The following CTNNA3 variants were observed in gnomAD, a reference collection of about 807,000 sequenced individuals.
CTNNA3 encodes the protein catenin alpha 3.
In CTNNA3, 76 loss-of-function variants were observed where a neutral mutation model predicts 95.7. The ratio of observed to expected loss-of-function variants is 0.79; its 90% CI spans 0.66 to 0.96. The LOEUF (loss-of-function observed/expected upper bound fraction) is 0.96. CTNNA3 is among the 40% of genes least tolerant of loss of function. CTNNA3 has a pLI of 0.00. For missense variants in CTNNA3, 1,191 were observed against 1,089.8 expected (o/e 1.09, Z -1.31); for synonymous variants, 431 against 374.4 (o/e 1.15, Z -1.74).
At chr10:66,680,323 C>A (rs1847023759) in intron 9 of CTNNA3, among the ~76,000 whole-genome samples, 1 of 152,058 alleles carries the variant, frequency 6.6e-6, no homozygotes, top group Non-Finnish European at 1.5e-5. Context: ...AGCCACCACA[C>A]CTGGCCAGTG....
intron 7 of CTNNA3, among the ~76,000 whole-genome samples, chr10:66,795,460 C>T (rs1343265152): frequency 6.6e-6 from 1 of 152,110 alleles, no homozygotes; most frequent in African/African-American, 2.4e-5. Flanking sequence ...GTTCAGTAAA[C>T]GGCAACATAA....
intron 7 of CTNNA3, among the ~76,000 whole-genome samples, chr10:66,805,508 CATAT>C (rs546398239): frequency 8.8e-5 from 13 of 147,504 alleles, no homozygotes; most frequent in African/African-American, 3.2e-4. Context: ...TATATTTATA[CATAT>C]ATATATATAT....
Position 67,521,828 on chromosome 10 carries a change from G to A in CTNNA3, c.579+14C>T. The A allele has an allele frequency of 6.2e-7, 1 of 1,612,506 alleles. No individual in the cohort carries two copies. Among genetic ancestry groups the A allele is most frequent in the Non-Finnish European group, 8.5e-7 (1 of 1,179,150 alleles). On this transcript the variant is annotated intron_variant, in intron 5 of 17. Coordinates refer to ENST00000433211, the MANE Select transcript of CTNNA3 (RefSeq NM_013266.4). ...GTGTTCATCTCCTCCACCAAGGAGA[G>A]CTCTGACTCCTACCTGCTGACGTTT...
chr10:65,920,225 T>A lies in CTNNA3; in HGVS notation c.*105A>T. The A allele has an allele frequency of 9.9e-7, 1 of 1,006,268 alleles. No homozygotes were observed. Among genetic ancestry groups the A allele is most frequent in the Non-Finnish European group, 1.5e-6 (1 of 675,052 alleles). The allele number at this position is 1,006,268 out of a possible 1,614,324, so 62.3% of individuals were successfully genotyped here. The stretch of plus-strand genomic sequence containing the variant: ...CCAATATTTTATGTTATTTGTGAGT[T>A]AAACACCAAAACTTAGTGAAATTAC... On this transcript the variant is annotated 3_prime_UTR_variant, in exon 18 of 18. Transcript: ENST00000433211.
intron 7 of CTNNA3, among the ~76,000 whole-genome samples, chr10:66,780,270 T>C (rs954025752): frequency 2.6e-5 from 4 of 151,712 alleles, no homozygotes; most frequent in Non-Finnish European, 5.9e-5. Context: ...GTCTGCACAA[T>C]GGATTTGAGG....
At chr10:66,182,311 A>G (rs925671501) in intron 13 of CTNNA3, among the ~76,000 whole-genome samples, 16 of 147,228 alleles carry the variant, frequency 1.1e-4, no homozygotes, top group Non-Finnish European at 1.9e-4. Context: ...GCTGGAGTGC[A>G]GTGGCGCGAT....
chr10:67,441,262 G>C (rs2394376), intron 5 of CTNNA3, among the ~76,000 whole-genome samples: 104,802 of 136,860 alleles, frequency 0.77, 41,000 homozygotes, highest in Non-Finnish European at 0.88. Flanking sequence ...AGTGAGAGAA[G>C]ACAAAAAAAA....
At chr10:67,460,659 T>A (rs1847341870) in intron 5 of CTNNA3, among the ~76,000 whole-genome samples, 1 of 152,154 alleles carries the variant, frequency 6.6e-6, no homozygotes, top group African/African-American at 2.4e-5. Context: ...TTTATTTTGC[T>A]GCCAAGTGTC....
In CTNNA3 at chr10:66,581,383, T is replaced by A. The variant is rs1052034938; in HGVS notation, c.1374+40309A>T. On this transcript the variant is annotated intron_variant, in intron 10 of 17. Coordinates refer to ENST00000433211, the MANE Select transcript of CTNNA3 (RefSeq NM_013266.4). Reference sequence around the variant, plus strand: ...CCAGCAGCATATAAGTGTTCCTCTTTCACCACGTCCACCCGAGCATCTTTT... The same window carrying A: ...CCAGCAGCATATAAGTGTTCCTCTTACACCACGTCCACCCGAGCATCTTTT... Among the ~76,000 whole-genome samples, 3 of 150,446 alleles carry A rather than the reference T, an allele frequency of 2.0e-5. No homozygotes were observed. The Admixed American group carries it at 2.0e-4, about 10-fold the overall frequency.
chr10:67,704,781 T>A (rs1841067442), intron 1 of CTNNA3, among the ~76,000 whole-genome samples: 2 of 151,972 alleles, frequency 1.3e-5, no homozygotes, highest in Admixed American at 1.3e-4. Context: ...ACAAATGGGA[T>A]CTAATTAAAC....
intron 7 of CTNNA3, among the ~76,000 whole-genome samples, chr10:66,863,685 T>C (rs1019920675): frequency 1.3e-5 from 2 of 152,162 alleles, no homozygotes; most frequent in African/African-American, 4.8e-5. Context: ...TAGAGCATTT[T>C]ATTTTGAGAA....
chr10:66,363,986 T>C (rs1294863153), intron 12 of CTNNA3, among the ~76,000 whole-genome samples: 3 of 152,142 alleles, frequency 2.0e-5, no homozygotes, highest in Non-Finnish European at 1.5e-5. Flanking sequence ...AGGCTTAGAC[T>C]GGTTAAGTAA....
intron 9 of CTNNA3, among the ~76,000 whole-genome samples, chr10:66,693,914 G>A (rs553330157): frequency 2.6e-5 from 4 of 151,876 alleles, no homozygotes; most frequent in Admixed American, 2.0e-4. Flanking sequence ...TGAAACCAAC[G>A]AGAACAAAGA....
chr10:66,915,995 C>G (rs1846474232), intron 7 of CTNNA3, among the ~76,000 whole-genome samples: 1 of 152,062 alleles, frequency 6.6e-6, no homozygotes. Flanking sequence ...GATCTGCTCA[C>G]CTTGGCCTCC....
chr10:67,524,315 G>C (rs1339091749), intron 4 of CTNNA3, among the ~76,000 whole-genome samples: 2 of 149,560 alleles, frequency 1.3e-5, no homozygotes, highest in Non-Finnish European at 3.0e-5. Context: ...GGAGAATGGC[G>C]TGAACCCGGC....
chr10:65,982,308 C>T (rs1354036403), intron 16 of CTNNA3, among the ~76,000 whole-genome samples: 1 of 151,308 alleles, frequency 6.6e-6, no homozygotes, highest in East Asian at 1.9e-4. Flanking sequence ...TACCACCTTA[C>T]TCTTGTAAGA....
At chr10:66,593,044 G>A (rs984642009) in intron 10 of CTNNA3, among the ~76,000 whole-genome samples, 8 of 151,950 alleles carry the variant, frequency 5.3e-5, no homozygotes, top group South Asian at 2.1e-4. Context: ...TTTATAAGAC[G>A]GAAAGGAAAG....
chr10:67,377,116 T>G (rs367649275), intron 5 of CTNNA3, among the ~76,000 whole-genome samples: 45 of 152,362 alleles, frequency 3.0e-4, no homozygotes, highest in Middle Eastern at 3.4e-3. Flanking sequence ...TACTTTAGTT[T>G]GGATTTCTGT....
At chr10:67,579,847 G>A (rs1842316658) in intron 3 of CTNNA3, among the ~76,000 whole-genome samples, 1 of 152,182 alleles carries the variant, frequency 6.6e-6, no homozygotes, top group South Asian at 2.1e-4. Flanking sequence ...CTGCATAAAT[G>A]TCTTCTTTTG....
Sources: allele counts gnomAD v4.1 joint callset (sites outside exome capture counted in the v4.1 genomes callset), GRCh38; gene constraint gnomAD v4.1.1; transcripts MANE v1.5; gene names NCBI Gene and HGNC (gene_info 2026-07-23, HGNC 2026-07-21).